Variants in CCDC171 observed in about 807,000 individuals in gnomAD.
CCDC171 encodes coiled-coil domain-containing protein 171.
A neutral mutation model predicts 168.2 loss-of-function variants in CCDC171; 177 were observed. The ratio of observed to expected loss-of-function variants is 1.05; its 90% CI spans 0.93 to 1.19. The LOEUF (loss-of-function observed/expected upper bound fraction) is 1.19. CCDC171 is among the 50% of genes most tolerant of loss of function. CCDC171 has a pLI of 0.00. For synonymous variants in CCDC171, 687 were observed against 540.8 expected, an observed-to-expected ratio of 1.27 and a Z score of -3.75; for missense variants, 1,991 against 1,539.0, an observed-to-expected ratio of 1.29 and a Z score of -4.91.
intron 24 of CCDC171, among the ~76,000 whole-genome samples, chr9:15,905,930 G>A (rs1032521239): frequency 3.3e-5 from 5 of 152,146 alleles, no homozygotes; most frequent in Admixed American, 6.5e-5. Context: ...TAGAAGAAAT[G>A]GATGAATTCC....
the CCDC171 span, among the ~76,000 whole-genome samples, chr9:16,104,964 G>A: frequency 6.6e-6 from 1 of 152,148 alleles, no homozygotes; most frequent in South Asian, 2.1e-4. Flanking sequence ...GACCTACTTA[G>A]GAGTGAAGTA....
intron 6 of CCDC171, among the ~76,000 whole-genome samples, chr9:16,029,401 A>C (rs953626699): frequency 6.6e-6 from 1 of 152,158 alleles, no homozygotes; most frequent in South Asian, 2.1e-4. Context: ...TGGTAAATAG[A>C]TTTTGTCTCT....
chr9:15,772,806 TG>T lies in CCDC171; in HGVS notation c.2672-4793del, dbSNP rs553783015. 3.6e-3 allele frequency among the ~76,000 whole-genome samples: 548 copies of T among 152,028 alleles called. 2 individuals carry two copies. Among genetic ancestry groups the T allele is most frequent in the Admixed American group, 5.4e-3 (82 of 15,256 alleles). ...GAAGAGCGGGAAGACTAGAGAAGAGTGCGTCTTAGATATGGCCATGACTACA... is the reference window on the plus strand; with the variant it reads ...GAAGAGCGGGAAGACTAGAGAAGAGTCGTCTTAGATATGGCCATGACTACA... On this transcript the variant is annotated intron_variant, in intron 18 of 25. Coordinates refer to ENST00000380701, the MANE Select transcript of CCDC171 (RefSeq NM_173550.4).
chr9:16,013,076 C>T (rs950184151), intron 3 of CCDC171, among the ~76,000 whole-genome samples: 30 of 152,214 alleles, frequency 2.0e-4, no homozygotes, highest in Non-Finnish European at 2.6e-4. Context: ...CTCAAAATGT[C>T]CCCAACTCTC....
At chr9:15,767,262 C>T (rs10756702) in intron 18 of CCDC171, among the ~76,000 whole-genome samples, 140,430 of 152,252 alleles carry the variant, frequency 0.92, 64,834 homozygotes, top group East Asian at 1. Flanking sequence ...GTATTCCTTC[C>T]GGAGGCTGTA....
chr9:15,796,809 C>G (rs2058578845), intron 21 of CCDC171, among the ~76,000 whole-genome samples: 1 of 152,166 alleles, frequency 6.6e-6, no homozygotes, highest in African/African-American at 2.4e-5. Flanking sequence ...CCAAATCAGA[C>G]CTGGCAAGTA....
chr9:16,094,199 G>A, the CCDC171 span, among the ~76,000 whole-genome samples: 2 of 152,196 alleles, frequency 1.3e-5, no homozygotes, highest in South Asian at 2.1e-4. Context: ...GGCCCCAGCT[G>A]CATCAGGTTA....
At chr9:15,854,650 C>A (rs1195883697) in intron 23 of CCDC171, among the ~76,000 whole-genome samples, 6 of 151,548 alleles carry the variant, frequency 4.0e-5, no homozygotes, top group African/African-American at 1.5e-4. Context: ...CGCTCTCTGT[C>A]TCTCTCTTAA....
At chr9:15,656,471 T>C (rs761755171) in intron 7 of CCDC171, among the ~76,000 whole-genome samples, 1 of 152,218 alleles carries the variant, frequency 6.6e-6, no homozygotes, top group Non-Finnish European at 1.5e-5. Flanking sequence ...TTGCCTAAAC[T>C]GGAAACAAGT....
the CCDC171 span, among the ~76,000 whole-genome samples, chr9:16,107,327 C>T: frequency 2.6e-5 from 4 of 152,144 alleles, no homozygotes; most frequent in South Asian, 2.1e-4. Flanking sequence ...ACATGAAATT[C>T]GAATACCCAA....
chr9:15,718,966 G>A (rs2053272075), intron 11 of CCDC171, among the ~76,000 whole-genome samples: 1 of 152,130 alleles, frequency 6.6e-6, no homozygotes, highest in Non-Finnish European at 1.5e-5. Context: ...CAGAAAACAT[G>A]ACTTCAGCAA....
rs200633518 is a variant in CCDC171 at position 15,784,490 on chromosome 9, C to T, written c.3082-19C>T. The T allele has an allele frequency of 1.9e-6, 3 of 1,560,762 alleles. No homozygotes were observed. Among genetic ancestry groups the T allele is most frequent in the African/African-American group, 1.4e-5 (1 of 73,824 alleles). Reference sequence around the variant, plus strand: ...CAGTTAGCTTTATAACTGATTCTCCCCTCTCCTCCTTTTTACAGAAATTGA... The same window carrying T: ...CAGTTAGCTTTATAACTGATTCTCCTCTCTCCTCCTTTTTACAGAAATTGA... On this transcript the variant is annotated intron_variant, in intron 20 of 25. Coordinates refer to ENST00000380701, the MANE Select transcript of CCDC171 (RefSeq NM_173550.4).
chr9:15,780,450 A>G (rs1476158118), intron 20 of CCDC171, among the ~76,000 whole-genome samples: 1 of 152,178 alleles, frequency 6.6e-6, no homozygotes, highest in South Asian at 2.1e-4. Context: ...TGGGAAGCCA[A>G]GGTAGGAAGG....
intron 23 of CCDC171, among the ~76,000 whole-genome samples, chr9:15,853,219 C>G (rs528303731): frequency 6.6e-6 from 1 of 151,468 alleles, no homozygotes; most frequent in Non-Finnish European, 1.5e-5. Flanking sequence ...ACATAGAATG[C>G]CTTTCTACTT....
At chr9:16,010,541 G>A (rs1156267446) in intron 3 of CCDC171, among the ~76,000 whole-genome samples, 1 of 152,062 alleles carries the variant, frequency 6.6e-6, no homozygotes, top group Non-Finnish European at 1.5e-5. Context: ...TGCTTCCAGA[G>A]ACCCCTAACA....
At chr9:15,617,729 T>A (rs1263364207) in intron 6 of CCDC171, among the ~76,000 whole-genome samples, 3 of 152,084 alleles carry the variant, frequency 2.0e-5, no homozygotes, top group African/African-American at 2.4e-5. Context: ...TGTTTGTTAG[T>A]TTTTCTTCTA....
intron 24 of CCDC171, chr9:15,885,870 AATTCCACAG>A: frequency 6.6e-6 from 1 of 152,304 alleles, no homozygotes; most frequent in African/African-American, 2.4e-5. Flanking sequence ...TTCTTGTAAT[AATTCCACAG>A]ATGCCTTACA....
At chr9:16,085,160 C>A in the CCDC171 span, among the ~76,000 whole-genome samples, 1 of 152,186 alleles carries the variant, frequency 6.6e-6, no homozygotes, top group Non-Finnish European at 1.5e-5. Context: ...AGCTCATGTG[C>A]CCCTTGTCCT....
chr9:15,744,774 C>G lies in CCDC171; in HGVS notation c.2551C>G (p.Pro851Ala). 2 of 1,605,542 alleles carry G rather than the reference C, an allele frequency of 1.2e-6. No homozygotes were observed. The highest frequency in any genetic ancestry group is 2.2e-5 in the East Asian group (1 of 44,722). ...TGEPQDKHKFPKHQKEQLRCL... is the reference protein window; with the variant it reads ...TGEPQDKHKFAKHQKEQLRCL... ...AGAGCCCCAAGACAAGCATAAATTT[C>G]CAAGTAAGATAATTTCTGCTTTTAA... The change falls in exon 17 of 26, where the codon CCA (proline) becomes GCA (alanine). Residue 851 changes from proline (P) to alanine (A), a missense_variant. Transcript: ENST00000380701.
Sources: gnomAD v4.1 joint callset for allele counts (sites outside exome capture counted in the v4.1 genomes callset) on GRCh38, gnomAD v4.1.1 for gene constraint, MANE v1.5 for transcripts, NCBI Gene and HGNC (gene_info 2026-07-23, HGNC 2026-07-21) for gene names.